Variants in MEGF11 observed in about 807,000 individuals in gnomAD.
The protein encoded by MEGF11 is multiple epidermal growth factor-like domains protein 11.
A neutral mutation model predicts 146.6 loss-of-function variants in MEGF11; 126 were observed. The ratio of observed to expected loss-of-function variants is 0.86; its 90% CI spans 0.74 to 1.00. MEGF11 has a LOEUF of 1.00. Ranked by LOEUF, MEGF11 falls within the 50% of genes least tolerant of loss-of-function variation. The pLI is 0.00. For synonymous variants in MEGF11, 532 were observed against 583.4 expected, an observed-to-expected ratio of 0.91 and a Z score of 1.27; for missense variants, 1,509 against 1,521.2, an observed-to-expected ratio of 0.99 and a Z score of 0.13.
chr15:66,066,155 C>T (rs968904739), intron 5 of MEGF11, among the ~76,000 whole-genome samples: 5 of 152,170 alleles, frequency 3.3e-5, no homozygotes, highest in Non-Finnish European at 7.3e-5. Flanking sequence ...AAGCCTGACA[C>T]GTGAAGCTTC....
intron 5 of MEGF11, among the ~76,000 whole-genome samples, chr15:66,081,129 T>A (rs919106574): frequency 7.9e-5 from 12 of 152,092 alleles, no homozygotes; most frequent in African/African-American, 2.9e-4. Flanking sequence ...GGGGCGAGGA[T>A]GTGATCACAA....
At position 66,160,242 on chromosome 15, in the gene MEGF11, C is replaced by CCTCTCTCTCTCTCTCTCTCT. The variant is rs143653192; in HGVS notation, c.-8-31851_-8-31832dup. On this transcript the variant is annotated intron_variant, in intron 1 of 25. Coordinates refer to ENST00000395614, the MANE Select transcript of MEGF11 (RefSeq NM_001385028.1). ...AGGACAAAGCCTCCCAAGGAAAAGC[C>CCTCTCTCTCTCTCTCTCTCT]CTCTCTCTCTCTCTCTCTCTCTCTC... Among the ~76,000 whole-genome samples the CCTCTCTCTCTCTCTCTCTCT allele has an allele frequency of 2.5e-4, 33 of 133,500 alleles. 1 individual carries two copies. The highest frequency in any genetic ancestry group is 1.2e-3 in the East Asian group (5 of 4,258). The allele number at this position is 133,500 out of a possible 152,430, so 87.6% of individuals were successfully genotyped here.
chr15:66,100,938 G>A (rs114445188), intron 4 of MEGF11, among the ~76,000 whole-genome samples: 8,938 of 146,782 alleles, frequency 0.061, 402 homozygotes, highest in Non-Finnish European at 0.084. Flanking sequence ...GTGAGCAAGC[G>A]TGTGAGCCAG....
chr15:66,025,713 C>T (rs1250295550), intron 5 of MEGF11, among the ~76,000 whole-genome samples: 16 of 152,100 alleles, frequency 1.1e-4, no homozygotes, highest in Admixed American at 1.0e-3. Flanking sequence ...GGGACATTCC[C>T]CTGTCTCTTA....
chr15:66,070,716 A>G (rs576262680), intron 5 of MEGF11, among the ~76,000 whole-genome samples: 3 of 152,196 alleles, frequency 2.0e-5, no homozygotes, highest in Admixed American at 1.3e-4. Flanking sequence ...GGCCTTGACT[A>G]TATCACCTCT....
At chr15:66,054,550 G>C (rs2084602101) in intron 5 of MEGF11, among the ~76,000 whole-genome samples, 1 of 152,180 alleles carries the variant, frequency 6.6e-6, no homozygotes, top group Non-Finnish European at 1.5e-5. Flanking sequence ...ATCACCTCCA[G>C]GGGTGTCTGG....
At chr15:66,137,236 GCTTT>G (rs2088926488) in intron 1 of MEGF11, among the ~76,000 whole-genome samples, 1 of 152,166 alleles carries the variant, frequency 6.6e-6, no homozygotes, top group Non-Finnish European at 1.5e-5. Context: ...GAAGATTTGT[GCTTT>G]CTAAGTCAAA....
intron 4 of MEGF11, among the ~76,000 whole-genome samples, chr15:66,099,205 T>TTTC (rs1491533137): frequency 3.6e-3 from 17 of 4,670 alleles, no homozygotes; most frequent in Non-Finnish European, 6.8e-3. Flanking sequence ...CTCCTTTTTC[T>TTTC]TTTTTTTTTT....
At chr15:66,172,517 C>T (rs12437628) in intron 1 of MEGF11, among the ~76,000 whole-genome samples, 7,925 of 152,174 alleles carry the variant, frequency 0.052, 304 homozygotes, top group Admixed American at 0.097. Context: ...GGGCTTTCCC[C>T]GCAGGGCTAC....
In MEGF11 at chr15:65,898,713, AT is replaced by A. The variant is rs766559170; in HGVS notation, c.3262+14del. 3.1e-6 allele frequency: 5 copies of A among 1,612,592 alleles called. No individual in the cohort carries two copies. The African/African-American group carries it at 5.3e-5, about 17-fold the overall frequency. ...TTGCCCTGATTTCACTAAGTTACTT[AT>A]TTGAGACACCTACCAACTTCATATA... On this transcript the variant is annotated intron_variant, in intron 25 of 25. Transcript: ENST00000395614.
intron 1 of MEGF11, among the ~76,000 whole-genome samples, chr15:66,174,462 C>G (rs892142270): frequency 2.0e-5 from 3 of 152,184 alleles, no homozygotes; most frequent in African/African-American, 7.2e-5. Context: ...GATCCTCTCT[C>G]AACCCTGCCG....
At chr15:66,060,179 G>T (rs1341265146) in intron 5 of MEGF11, among the ~76,000 whole-genome samples, 2 of 152,036 alleles carry the variant, frequency 1.3e-5, no homozygotes, top group African/African-American at 4.8e-5. Flanking sequence ...TGACGGCTAA[G>T]GAGTCAGAGG....
intron 5 of MEGF11, among the ~76,000 whole-genome samples, chr15:66,026,125 C>A (rs1339230780): frequency 6.6e-6 from 1 of 152,242 alleles, no homozygotes; most frequent in East Asian, 1.9e-4. Context: ...CCCCCACTCC[C>A]CAAAGCTCCC....
chr15:65,901,962 C>T (rs1330232053), intron 24 of MEGF11: 2 of 151,898 alleles, frequency 1.3e-5, no homozygotes, highest in Non-Finnish European at 2.9e-5. Flanking sequence ...TGATACCAAT[C>T]AAGATGTTTT....
chr15:66,057,831 GAATT>G (rs1361909886), intron 5 of MEGF11, among the ~76,000 whole-genome samples: 1 of 152,152 alleles, frequency 6.6e-6, no homozygotes, highest in Non-Finnish European at 1.5e-5. Flanking sequence ...CTCTTAAGTA[GAATT>G]AATACCTGAA....
At chr15:66,184,287 T>C (rs558178353) in intron 1 of MEGF11, among the ~76,000 whole-genome samples, 2 of 152,210 alleles carry the variant, frequency 1.3e-5, no homozygotes, top group Admixed American at 1.3e-4. Context: ...TCCCCACGCA[T>C]CCCACACTGA....
chr15:65,968,156 T>A (rs1192411767), intron 8 of MEGF11, among the ~76,000 whole-genome samples: 2 of 151,446 alleles, frequency 1.3e-5, no homozygotes, highest in Non-Finnish European at 2.9e-5. Flanking sequence ...GGAGAAGGAA[T>A]GGAAAGTAGA....
chr15:65,909,791 G>T lies in MEGF11; in HGVS notation c.2845C>A (p.Leu949Ile). 6.3e-7 allele frequency: 1 copy of T among 1,582,004 alleles called. No individual in the cohort carries two copies. Among genetic ancestry groups the T allele is most frequent in the African/African-American group, 1.3e-5 (1 of 74,384 alleles). ...NSPTKLSNKS[L>I]DRDTAGWTPY... ...GTCCAGCCTGCTGTGTCTCTGTCAA[G>T]GGACTTGTTACTGAGCTGTTTGGAG... The change falls in exon 22 of 26, where the codon CTT becomes ATT. Residue 949 changes from leucine (L) to isoleucine (I), a missense_variant. Physicochemically the swap from Leu to Ile is conservative, Grantham distance 5 (BLOSUM62 2). Coordinates refer to ENST00000395614, the MANE Select transcript of MEGF11 (RefSeq NM_001385028.1).
intron 1 of MEGF11, among the ~76,000 whole-genome samples, chr15:66,154,315 A>T (rs1234520388): frequency 6.6e-6 from 1 of 151,818 alleles, no homozygotes; most frequent in Non-Finnish European, 1.5e-5. Context: ...CCCACACTCC[A>T]TTCTGCTGTA....
Sources: allele counts gnomAD v4.1 joint callset (sites outside exome capture counted in the v4.1 genomes callset), GRCh38; gene constraint gnomAD v4.1.1; transcripts MANE v1.5; gene names NCBI Gene and HGNC (gene_info 2026-07-23, HGNC 2026-07-21).